Variants in USH2A observed in about 807,000 individuals in gnomAD.
USH2A encodes usherin, also known as Usher syndrome 2A (autosomal recessive, mild).
Under a neutral mutation model 538.9 loss-of-function variants are expected in USH2A, and 443 were observed. The observed-to-expected ratio is 0.82, with a 90% CI of 0.76 to 0.89. USH2A has a LOEUF of 0.89. Ranked by LOEUF, USH2A falls within the 40% of genes least tolerant of loss-of-function variation. USH2A has a pLI of 0.00. For synonymous variants in USH2A, 2,413 were observed against 2,273.5 expected (o/e 1.06, Z -1.75); for missense variants, 6,633 against 6,324.8 (o/e 1.05, Z -1.65).
intron 67 of USH2A, among the ~76,000 whole-genome samples, chr1:215,643,392 C>G (rs1656749878): frequency 6.6e-6 from 1 of 152,024 alleles, no homozygotes; most frequent in Admixed American, 6.6e-5. Context: ...ATTTTAGAAC[C>G]TGTATCATAG....
At chr1:216,150,040 T>G (rs2033802063) in intron 21 of USH2A, among the ~76,000 whole-genome samples, 1 of 152,218 alleles carries the variant, frequency 6.6e-6, no homozygotes, top group African/African-American at 2.4e-5. Flanking sequence ...TTCTATTAGG[T>G]CTGTTCGTCC....
At chr1:216,123,293 G>A (rs1364264044) in intron 21 of USH2A, among the ~76,000 whole-genome samples, 3 of 152,194 alleles carry the variant, frequency 2.0e-5, no homozygotes, top group African/African-American at 7.2e-5. Flanking sequence ...TAGGTAAAGA[G>A]TAAGTTGTTG....
In USH2A at chr1:215,749,863, A is replaced by T. The variant is rs1041305650; in HGVS notation, c.11390-6528T>A. 3.3e-5 allele frequency among the ~76,000 whole-genome samples: 5 copies of T among 152,186 alleles called. No individual in the cohort carries two copies. The South Asian group carries it at 1.0e-3, about 32-fold the overall frequency. ...ATTTCGTTGGTTAATATTCCTTGCA[A>T]TGCTCCTTTTCATAATTTACAACAA... On this transcript the variant is annotated intron_variant, in intron 58 of 71. Coordinates refer to ENST00000307340, the MANE Select transcript of USH2A (RefSeq NM_206933.4).
intron 44 of USH2A, among the ~76,000 whole-genome samples, chr1:215,857,432 A>C (rs1266642124): frequency 6.6e-6 from 1 of 152,182 alleles, no homozygotes; most frequent in African/African-American, 2.4e-5. Flanking sequence ...GGCCATTCAG[A>C]CAGCCTGGGA....
At chr1:216,026,539 G>C (rs1399212804) in intron 32 of USH2A, among the ~76,000 whole-genome samples, 2 of 152,096 alleles carry the variant, frequency 1.3e-5, no homozygotes, top group African/African-American at 4.8e-5. Context: ...CTGTGTCTCT[G>C]AACATCCTTA....
intron 5 of USH2A, among the ~76,000 whole-genome samples, chr1:216,326,394 G>A (rs2037735647): frequency 6.6e-6 from 1 of 152,138 alleles, no homozygotes; most frequent in African/African-American, 2.4e-5. Flanking sequence ...GAAGGAGTCA[G>A]GCAGCTTTTC....
chr1:216,114,940 A>T (rs1308856624), intron 21 of USH2A, among the ~76,000 whole-genome samples: 1 of 152,128 alleles, frequency 6.6e-6, no homozygotes, highest in African/African-American at 2.4e-5. Flanking sequence ...ATGGTTATTT[A>T]GATGTGTATT....
intron 13 of USH2A, among the ~76,000 whole-genome samples, chr1:216,239,101 C>T (rs991380658): frequency 3.7e-5 from 4 of 107,682 alleles, no homozygotes; most frequent in African/African-American, 6.1e-5. Flanking sequence ...ACCATAAAAC[C>T]AGGAAAAAAA....
Position 215,624,300 on chromosome 1 carries a change from A to T in USH2A, c.*1481T>A, listed in dbSNP as rs1280193416. 2 of 152,192 alleles carry T rather than the reference A, an allele frequency of 1.3e-5. No homozygotes were observed. The highest frequency in any genetic ancestry group is 2.9e-5 in the Non-Finnish European group (2 of 68,046). The allele number at this position is 152,192 out of a possible 1,614,324, so 9.4% of individuals were successfully genotyped here. On this transcript the variant is annotated 3_prime_UTR_variant, in exon 72 of 72. Transcript: ENST00000307340. ...GGTCAGTCTGAGGAGCTGCTCTCTCACAGAGCTAGATGAAATCTCAATACC... is the reference window on the plus strand; with the variant it reads ...GGTCAGTCTGAGGAGCTGCTCTCTCTCAGAGCTAGATGAAATCTCAATACC...
chr1:215,770,877 G>A lies in USH2A; in HGVS notation c.10940-4089C>T, dbSNP rs558585131. On this transcript the variant is annotated intron_variant, in intron 55 of 71. Coordinates refer to ENST00000307340, the MANE Select transcript of USH2A (RefSeq NM_206933.4). The stretch of plus-strand genomic sequence containing the variant: ...CCCAGCACTTTGGGAGGACGAGGCG[G>A]GTGGATCACTTGAGGTCAGGAGTTT... 2.0e-5 allele frequency among the ~76,000 whole-genome samples: 3 copies of A among 150,934 alleles called. No homozygotes were observed. In the South Asian group the frequency reaches 6.3e-4, roughly 32 times the overall value.
chr1:216,325,054 T>C (rs1326679886), intron 6 of USH2A, among the ~76,000 whole-genome samples: 4 of 151,986 alleles, frequency 2.6e-5, no homozygotes, highest in Non-Finnish European at 4.4e-5. Flanking sequence ...CATGTGAAAA[T>C]GGAGGCAGAG....
chr1:215,767,275 A>G (rs1267268565), intron 55 of USH2A, among the ~76,000 whole-genome samples: 1 of 152,194 alleles, frequency 6.6e-6, no homozygotes, highest in Non-Finnish European at 1.5e-5. Context: ...GTTTGTAGAC[A>G]GTTATCAAAT....
At chr1:215,920,756 C>T (rs574186925) in intron 38 of USH2A, among the ~76,000 whole-genome samples, 6 of 152,144 alleles carry the variant, frequency 3.9e-5, no homozygotes, top group African/African-American at 9.6e-5. Context: ...CTAAGATACA[C>T]GCTTACTTGA....
rs1007494994 is a variant in USH2A at position 215,629,920 on chromosome 1, C to T, written c.15298-885G>A. 7.7e-5 allele frequency: 25 copies of T among 324,052 alleles called. No individual in the cohort carries two copies. The East Asian group carries it at 9.0e-4, about 12-fold the overall frequency. 20.1% of individuals were successfully genotyped at this position (324,052 alleles called of 1,614,324 possible). A position where few individuals can be genotyped will look rare whatever the true frequency, so the allele number is the denominator to read the frequency against. On this transcript the variant is annotated intron_variant, in intron 70 of 71. Transcript: ENST00000307340. ...CCTCCCGAGTAGCTGGGACTACAGG[C>T]GCCCGCCACCATGCCCGGCTAATTT...
chr1:216,392,645 T>C (rs1365281624), intron 3 of USH2A, among the ~76,000 whole-genome samples: 1 of 152,018 alleles, frequency 6.6e-6, no homozygotes, highest in Non-Finnish European at 1.5e-5. Context: ...AAATAAACTG[T>C]GATACAATGC....
intron 35 of USH2A, among the ~76,000 whole-genome samples, chr1:215,991,877 TA>T (rs1668011364): frequency 3.3e-5 from 5 of 152,216 alleles, no homozygotes; most frequent in Non-Finnish European, 5.9e-5. Context: ...ATCTATGAAC[TA>T]GGGTACTTTG....
chr1:216,031,091 C>A (rs1239185875), intron 32 of USH2A, among the ~76,000 whole-genome samples: 5 of 151,892 alleles, frequency 3.3e-5, no homozygotes, highest in Non-Finnish European at 7.4e-5. Flanking sequence ...AGATTTTAAT[C>A]CCTCTCTTCC....
At chr1:215,749,161 T>A (rs567631022) in intron 58 of USH2A, among the ~76,000 whole-genome samples, 2 of 152,186 alleles carry the variant, frequency 1.3e-5, no homozygotes, top group Non-Finnish European at 2.9e-5. Flanking sequence ...TCCCTCCAAT[T>A]CATCTGAGGT....
chr1:215,880,527 A>AT (rs550194924), intron 41 of USH2A, among the ~76,000 whole-genome samples: 85 of 152,274 alleles, frequency 5.6e-4, no homozygotes, highest in Non-Finnish European at 9.4e-4. Flanking sequence ...AACATAGAGG[A>AT]TTTGCCTGGA....
Sources: gnomAD v4.1 joint callset for allele counts (sites outside exome capture counted in the v4.1 genomes callset) on GRCh38, gnomAD v4.1.1 for gene constraint, MANE v1.5 for transcripts, NCBI Gene and HGNC (gene_info 2026-07-23, HGNC 2026-07-21) for gene names.